PCBP4: variants seen among roughly 807,000 people sequenced by gnomAD.
PCBP4 encodes poly(rC) binding protein 4, also known as poly(rC)-binding protein 4.
PCBP4 carries 24 observed loss-of-function variants against 46.2 expected under a neutral mutation model. The ratio of observed to expected loss-of-function variants is 0.52; its 90% confidence interval spans 0.38 to 0.73. PCBP4 has a LOEUF of 0.73. PCBP4 is among the 30% of genes least tolerant of loss of function. The pLI, the probability that PCBP4 is intolerant of heterozygous loss-of-function variation, is 0.00. For missense variants in PCBP4, 407 were observed against 537.0 expected, an observed-to-expected ratio of 0.76 and a Z score of 2.39; for synonymous variants, 203 against 224.4, an observed-to-expected ratio of 0.90 and a Z score of 0.85.
chr3:51,960,177 C>T lies in PCBP4; in HGVS notation c.387+12G>A. ...CCCGGATTCCCTGTGGGTGGTATAT[C>T]TCGCCCCTCACCTCTCGGATCTCCT... is the stretch of plus-strand genomic sequence containing the variant. On this transcript the variant is annotated intron_variant, in intron 7 of 13. Coordinates refer to ENST00000461554, the MANE Select transcript of PCBP4 (RefSeq NM_001174100.2). The surrounding 1 kb of genome is among the most constrained non-coding windows in gnomAD (Gnocchi z 5.0). 1 of 1,614,096 alleles carries T rather than the reference C, an allele frequency of 6.2e-7. No homozygotes were observed. The highest frequency in any genetic ancestry group is 1.7e-5 in the Admixed American group (1 of 60,034).
chr3:51,963,404 GTC>G (rs1342073957), intron 1 of PCBP4: 1 of 152,186 alleles, frequency 6.6e-6, no homozygotes, highest in Non-Finnish European at 1.5e-5. Flanking sequence ...GGCTTCAGTC[GTC>G]TCTGAGACCT....
rs772512721 is a variant in PCBP4 at position 51,959,324 on chromosome 3, G to A, written c.637-32C>T. 5.6e-6 allele frequency: 9 copies of A among 1,613,732 alleles called. No homozygotes were observed. The highest frequency in any genetic ancestry group is 7.6e-6 in the Non-Finnish European group (9 of 1,179,874). Reference sequence around the variant, plus strand: ...CAAAGAGGGGTCAGAGGTCAGAGGAGGCATGGTTCAGGAAGGGGTGCCTTG... The same window carrying A: ...CAAAGAGGGGTCAGAGGTCAGAGGAAGCATGGTTCAGGAAGGGGTGCCTTG... On this transcript the variant is annotated intron_variant, in intron 10 of 13. Coordinates refer to ENST00000461554, the MANE Select transcript of PCBP4 (RefSeq NM_001174100.2). This position sits in a 1 kb window ranked among gnomAD's most constrained non-coding sequence, Gnocchi z 5.6.
At position 51,959,514 on chromosome 3, in the gene PCBP4, C is replaced by T; in HGVS notation, c.591+63G>A. 2.0e-6 allele frequency: 3 copies of T among 1,526,924 alleles called. No individual in the cohort carries two copies. Among genetic ancestry groups the T allele is most frequent in the Non-Finnish European group, 2.7e-6 (3 of 1,126,166 alleles). 94.6% of individuals were successfully genotyped at this position (1,526,924 alleles called of 1,614,324 possible). On this transcript the variant is annotated intron_variant, in intron 9 of 13. Transcript: ENST00000461554. This position sits in a 1 kb window ranked among gnomAD's most constrained non-coding sequence, Gnocchi z 5.6. ...GGACCTCCAATTCCTTCTTCCATCC[C>T]CTCCTCTATCTCAATCCCCCTTCTC... is the stretch of plus-strand genomic sequence containing the variant.
chr3:51,961,435 A>C, intron 2 of PCBP4, 131 bp from the exon 3 acceptor site: 1 of 1,077,054 alleles, frequency 9.3e-7, no homozygotes, highest in Non-Finnish European at 1.3e-6. Flanking sequence ...TGAGCGCCAC[A>C]CATCACTCTG....
intron 2 of PCBP4, 55 bp downstream of exon 2, chr3:51,961,886 T>A: frequency 3.7e-6 from 1 of 273,116 alleles, no homozygotes; most frequent in Non-Finnish European, 5.6e-6. Context: ...TGCCACTGCC[T>A]GGTAAAGGCT....
chr3:51,960,562 G>A lies in PCBP4; in HGVS notation c.219C>T (p.Phe73=). ...TGAAAGCAATCATGGAGACTGCATG[G>A]AAGACAGCTGCTGTAGACCCGGTGA... The part of the protein sequence containing the change: ...TTITGSTAAV[F]HAVSMIAFKL... The change falls in exon 6 of 14, where the codon TTC becomes TTT. Residue 73 remains phenylalanine (F), a synonymous_variant. Transcript: ENST00000461554. This position sits in a 1 kb window ranked among gnomAD's most constrained non-coding sequence, Gnocchi z 5.0. The A allele has an allele frequency of 6.2e-7, 1 of 1,614,110 alleles. No individual in the cohort carries two copies. Among genetic ancestry groups the A allele is most frequent in the Non-Finnish European group, 8.5e-7 (1 of 1,179,914 alleles).
At position 51,960,071 on chromosome 3, in the gene PCBP4, A is replaced by G. The variant is rs1700071374; in HGVS notation, c.388-48T>C. 3 of 1,614,182 alleles carry G rather than the reference A, an allele frequency of 1.9e-6. No individual in the cohort carries two copies. Among genetic ancestry groups the G allele is most frequent in the Non-Finnish European group, 2.5e-6 (3 of 1,180,024 alleles). ...ACTTCTGGCTGCTCCCATAACCCAG[A>G]AAAGGGCTGCCCAGGCTCAGAGCTC... On this transcript the variant is annotated intron_variant, in intron 7 of 13. Transcript: ENST00000461554. This position sits in a 1 kb window ranked among gnomAD's most constrained non-coding sequence, Gnocchi z 5.0.
In PCBP4 at chr3:51,959,860, C is replaced by A; in HGVS notation, c.516+35G>T. ...CCGACAAGGCAGACCCAGGGCCCATCTCCTGCCCCCTCTCTCCCTGCCCCA... is the reference window on the plus strand; with the variant it reads ...CCGACAAGGCAGACCCAGGGCCCATATCCTGCCCCCTCTCTCCCTGCCCCA... On this transcript the variant is annotated intron_variant, in intron 8 of 13. Transcript: ENST00000461554. The surrounding 1 kb of genome is among the most constrained non-coding windows in gnomAD (Gnocchi z 5.6). 1 of 1,561,804 alleles carries A rather than the reference C, an allele frequency of 6.4e-7. No individual in the cohort carries two copies. Among genetic ancestry groups the A allele is most frequent in the South Asian group, 1.2e-5 (1 of 81,912 alleles).
chr3:51,960,598 G>A lies in PCBP4; in HGVS notation c.183C>T (p.Arg61=). 2.5e-6 allele frequency: 4 copies of A among 1,614,204 alleles called. No individual in the cohort carries two copies. Among genetic ancestry groups the A allele is most frequent in the Non-Finnish European group, 3.4e-6 (4 of 1,179,996 alleles). ...ITISEGSCPE[R]ITTITGSTAA... ...CTGTAGACCCGGTGATGGTGGTGAT[G>A]CGTTCAGGGCAGGAGCCCTCGGAGA... Residue 61 remains arginine, a synonymous_variant, in exon 6 of 14, where the codon CGC becomes CGT. Transcript: ENST00000461554. The surrounding 1 kb of genome is among the most constrained non-coding windows in gnomAD (Gnocchi z 5.0).
At chr3:51,963,119 G>A (rs1381256704) in intron 1 of PCBP4, 2 of 152,380 alleles carry the variant, frequency 1.3e-5, no homozygotes, top group Admixed American at 6.5e-5. Flanking sequence ...TCAGTTCAGA[G>A]CCAGGCCAGA....
In PCBP4 at chr3:51,959,496, C is replaced by T. The variant is rs915257529; in HGVS notation, c.591+81G>A. ...ACTCCTTCCCCCGTCCCTGGACCTC[C>T]AATTCCTTCTTCCATCCCCTCCTCT... On this transcript the variant is annotated intron_variant, in intron 9 of 13. Transcript: ENST00000461554. The surrounding 1 kb of genome is among the most constrained non-coding windows in gnomAD (Gnocchi z 5.6). 13 of 1,525,410 alleles carry T rather than the reference C, an allele frequency of 8.5e-6. No individual in the cohort carries two copies. The highest frequency in any genetic ancestry group is 1.1e-5 in the Non-Finnish European group (12 of 1,125,724). 94.5% of individuals were successfully genotyped at this position (1,525,410 alleles called of 1,614,324 possible).
Position 51,961,101 on chromosome 3 carries a change from C to G in PCBP4, c.81+59G>C, listed in dbSNP as rs962208970. 4 of 1,613,916 alleles carry G rather than the reference C, an allele frequency of 2.5e-6. No individual in the cohort carries two copies. The East Asian group carries it at 6.7e-5, about 27-fold the overall frequency. On this transcript the variant is annotated intron_variant, in intron 3 of 13. Transcript: ENST00000461554. The stretch of plus-strand genomic sequence containing the variant: ...GGCCCAGCCCCTCCCCACTGGGATA[C>G]CCAGTGAAACCCAGCCCAGCCCAGC...
rs769480861 is a variant in PCBP4, at chr3:51,958,864, G to A, written c.849C>T (p.Gly283=). 6.2e-6 allele frequency: 10 copies of A among 1,613,928 alleles called. No individual in the cohort carries two copies. The highest frequency in any genetic ancestry group is 3.3e-5 in the Admixed American group (2 of 60,006). The change falls in exon 13 of 14, where the codon GGC becomes GGT. Residue 283 remains glycine, a synonymous_variant. Transcript: ENST00000461554. The surrounding 1 kb of genome is among the most constrained non-coding windows in gnomAD (Gnocchi z 5.4). ...TGATGGTGACATGCCGCTCCCCAGC[G>A]CCCTCTGCTTGGTTCCCGATCTTGA... ...AHIKIGNQAE[G]AGERHVTITG... is the part of the protein sequence containing the mutation.
chr3:51,960,110 G>A lies in PCBP4; in HGVS notation c.387+79C>T, dbSNP rs767790720. ...GGCTCAGAGCTCTCTAGGTGGGGAG[G>A]ACGCCATAAGCCCAACACCCCTCTT... On this transcript the variant is annotated intron_variant, in intron 7 of 13. Coordinates refer to ENST00000461554, the MANE Select transcript of PCBP4 (RefSeq NM_001174100.2). This position sits in a 1 kb window ranked among gnomAD's most constrained non-coding sequence, Gnocchi z 5.0. 1.2e-6 allele frequency: 2 copies of A among 1,613,930 alleles called. No homozygotes were observed. The highest frequency in any genetic ancestry group is 4.5e-5 in the East Asian group (2 of 44,892).
Position 51,959,464 on chromosome 3 carries a change from C to A in PCBP4, c.592-53G>T. On this transcript the variant is annotated intron_variant, in intron 9 of 13. Transcript: ENST00000461554. This position sits in a 1 kb window ranked among gnomAD's most constrained non-coding sequence, Gnocchi z 5.6. The stretch of plus-strand genomic sequence containing the variant: ...GGTTACTGTGACATTGCAGTTCAGC[C>A]AGAGTCACTCCTTCCCCCGTCCCTG... 2 of 1,555,228 alleles carry A rather than the reference C, an allele frequency of 1.3e-6. No individual in the cohort carries two copies. Among genetic ancestry groups the A allele is most frequent in the East Asian group, 2.3e-5 (1 of 43,030 alleles).
rs755621499 is a variant in PCBP4, at chr3:51,959,501, CCTT to C, written c.591+73_591+75del. The C allele has an allele frequency of 2.0e-6, 3 of 1,525,150 alleles. No individual in the cohort carries two copies. Among genetic ancestry groups the C allele is most frequent in the Non-Finnish European group, 2.7e-6 (3 of 1,125,672 alleles). The allele number at this position is 1,525,150 out of a possible 1,614,324, so 94.5% of individuals were successfully genotyped here. A position where few individuals can be genotyped will look rare whatever the true frequency, so the allele number is the denominator to read the frequency against. On this transcript the variant is annotated intron_variant, in intron 9 of 13. Transcript: ENST00000461554. The surrounding 1 kb of genome is among the most constrained non-coding windows in gnomAD (Gnocchi z 5.6). ...TTCCCCCGTCCCTGGACCTCCAATT[CCTT>C]CTTCCATCCCCTCCTCTATCTCAAT... is the stretch of plus-strand genomic sequence containing the variant.
In PCBP4 at chr3:51,959,016, C is replaced by T; in HGVS notation, c.753+31G>A. The T allele has an allele frequency of 1.9e-6, 3 of 1,613,286 alleles. No individual in the cohort carries two copies. Among genetic ancestry groups the T allele is most frequent in the Non-Finnish European group, 2.5e-6 (3 of 1,179,476 alleles). ...AGGTCCAGACCCCCAGACCCCCTAC[C>T]CACCCTCCAGCCATCCCATCCCCTG... On this transcript the variant is annotated intron_variant, in intron 12 of 13. Coordinates refer to ENST00000461554, the MANE Select transcript of PCBP4 (RefSeq NM_001174100.2). This position sits in a 1 kb window ranked among gnomAD's most constrained non-coding sequence, Gnocchi z 5.6.
At position 51,960,483 on chromosome 3, in the gene PCBP4, C is replaced by G; in HGVS notation, c.255+43G>C. ...ATCTGGAGTCAGAGTTGGGTTCCTC[C>G]TGGGGAACCACTCTTGGCGTCCTGC... On this transcript the variant is annotated intron_variant, in intron 6 of 13. Coordinates refer to ENST00000461554, the MANE Select transcript of PCBP4 (RefSeq NM_001174100.2). The surrounding 1 kb of genome is among the most constrained non-coding windows in gnomAD (Gnocchi z 5.0). 1 of 1,566,062 alleles carries G rather than the reference C, an allele frequency of 6.4e-7. No homozygotes were observed. The highest frequency in any genetic ancestry group is 8.8e-7 in the Non-Finnish European group (1 of 1,136,330).
At position 51,960,988 on chromosome 3, in the gene PCBP4, C is replaced by G. The variant is rs1048106344; in HGVS notation, c.105+22G>C. The stretch of plus-strand genomic sequence containing the variant: ...GAAGCCTCAGCTGGAGGGGGATGTA[C>G]AGAGCAGAGCTAGGCACCTACCTTC... On this transcript the variant is annotated intron_variant, in intron 4 of 13. Transcript: ENST00000461554. This position sits in a 1 kb window ranked among gnomAD's most constrained non-coding sequence, Gnocchi z 5.0. 2.5e-5 allele frequency: 41 copies of G among 1,614,212 alleles called. No individual in the cohort carries two copies. Among genetic ancestry groups the G allele is most frequent in the Non-Finnish European group, 3.5e-5 (41 of 1,180,036 alleles).
Sources: gnomAD v4.1 joint callset for allele counts on GRCh38, gnomAD v4.1.1 for gene constraint, Gnocchi (gnomAD v3.1) non-coding constraint, MANE v1.5 for transcripts, NCBI Gene and HGNC (gene_info 2026-07-23, HGNC 2026-07-21) for gene names.